Variants in NBEA observed in about 807,000 individuals in gnomAD.
NBEA encodes neurobeachin, also known as lysosomal-trafficking regulator 2.
A neutral mutation model predicts 343.4 loss-of-function variants in NBEA; 44 were observed. The ratio of observed to expected loss-of-function variants is 0.13; its 90% CI spans 0.10 to 0.16. NBEA has a LOEUF of 0.16. Among genes scored for constraint, NBEA ranks in the 10% least tolerant of loss-of-function variants. The pLI, the probability that NBEA is intolerant of heterozygous loss-of-function variation, is 1.00. For missense variants in NBEA, 2,555 were observed against 3,631.3 expected (o/e 0.70, Z 7.62); for synonymous variants, 1,175 against 1,238.7 (o/e 0.95, Z 1.08).
At chr13:35,558,829 T>G (rs1188879398) in intron 44 of NBEA, among the ~76,000 whole-genome samples, 1 of 152,176 alleles carries the variant, frequency 6.6e-6, no homozygotes, top group Non-Finnish European at 1.5e-5. Flanking sequence ...AAGTACAGGA[T>G]TAAGTGCCAT....
chr13:35,056,163 T>G (rs2063250151), intron 7 of NBEA, 34 bp downstream of exon 7: 1 of 1,538,798 alleles, frequency 6.5e-7, no homozygotes, highest in Admixed American at 1.9e-5. Flanking sequence ...TGTTTTAATT[T>G]GTTTGGGAGT....
intron 30 of NBEA, among the ~76,000 whole-genome samples, chr13:35,187,281 G>A (rs1486036278): frequency 6.6e-6 from 1 of 151,486 alleles, no homozygotes; most frequent in Non-Finnish European, 1.5e-5. Flanking sequence ...TAGCTCTCTG[G>A]TCTCTCTCTT....
intron 36 of NBEA, among the ~76,000 whole-genome samples, chr13:35,341,576 A>G (rs2039585340): frequency 6.6e-6 from 1 of 152,088 alleles, no homozygotes; most frequent in Admixed American, 6.6e-5. Context: ...TTTAAAAATG[A>G]ATAGAAGATA....
intron 48 of NBEA, among the ~76,000 whole-genome samples, chr13:35,608,002 C>G (rs1481363700): frequency 6.6e-6 from 1 of 152,132 alleles, no homozygotes; most frequent in East Asian, 1.9e-4. Context: ...TTCTCCTCCC[C>G]TCCTCTCGAT....
chr13:35,458,366 G>A (rs949349566), intron 40 of NBEA, among the ~76,000 whole-genome samples: 2 of 152,178 alleles, frequency 1.3e-5, no homozygotes, highest in African/African-American at 4.8e-5. Context: ...CTTAAAGACA[G>A]CATTCATATA....
At chr13:35,361,886 A>C (rs1190878152) in intron 38 of NBEA, among the ~76,000 whole-genome samples, 1 of 151,952 alleles carries the variant, frequency 6.6e-6, no homozygotes, top group East Asian at 1.9e-4. Context: ...AAGGGTTAAC[A>C]CCTGAGGGAG....
intron 41 of NBEA, among the ~76,000 whole-genome samples, chr13:35,523,316 T>A (rs985240512): frequency 5.3e-5 from 8 of 152,230 alleles, no homozygotes; most frequent in Admixed American, 1.3e-4. Flanking sequence ...GGTACAGAGT[T>A]AATTCTCATG....
rs753182802 is a variant in NBEA, at chr13:35,242,006, C to T, written c.5776+9387C>T. 9.2e-5 allele frequency among the ~76,000 whole-genome samples: 14 copies of T among 151,764 alleles called. No homozygotes were observed. The South Asian group carries it at 2.1e-3, about 22-fold the overall frequency. ...CCGAATTTTAACAAAAATAGTACAA[C>T]GCACTCAAAGAAAGAGAGAAACATA... On this transcript the variant is annotated intron_variant, in intron 34 of 58. Coordinates refer to ENST00000379939, the MANE Select transcript of NBEA (RefSeq NM_001385012.1).
intron 41 of NBEA, among the ~76,000 whole-genome samples, chr13:35,538,370 C>T (rs1372279343): frequency 1.3e-5 from 2 of 152,166 alleles, no homozygotes; most frequent in African/African-American, 2.4e-5. Context: ...CTCAGCCACC[C>T]ATGTGGACAG....
chr13:35,573,604 G>A (rs2080555296), intron 45 of NBEA, among the ~76,000 whole-genome samples: 1 of 152,118 alleles, frequency 6.6e-6, no homozygotes, highest in Non-Finnish European at 1.5e-5. Flanking sequence ...TATACTAAAT[G>A]TCTCTTTATC....
chr13:35,526,296 A>T (rs542166653), intron 41 of NBEA, among the ~76,000 whole-genome samples: 1 of 152,318 alleles, frequency 6.6e-6, no homozygotes, highest in East Asian at 1.9e-4. Flanking sequence ...CCCAACTTTA[A>T]CATTTCATAA....
intron 1 of NBEA, among the ~76,000 whole-genome samples, chr13:35,031,484 T>A (rs2062215939): frequency 6.6e-6 from 1 of 151,534 alleles, no homozygotes; most frequent in Admixed American, 6.6e-5. Flanking sequence ...GGTATTCGAT[T>A]GGTGACTACT....
intron 41 of NBEA, among the ~76,000 whole-genome samples, chr13:35,523,252 AGAAAT>A (rs1378665976): frequency 6.6e-6 from 1 of 152,208 alleles, no homozygotes; most frequent in African/African-American, 2.4e-5. Context: ...TTTATATATA[AGAAAT>A]GAAAGTCTTC....
At chr13:35,555,454 A>G (rs1281193254) in intron 44 of NBEA, among the ~76,000 whole-genome samples, 2 of 152,148 alleles carry the variant, frequency 1.3e-5, no homozygotes, top group African/African-American at 4.8e-5. Flanking sequence ...AGACAGGAGA[A>G]TAACAACAGG....
intron 38 of NBEA, among the ~76,000 whole-genome samples, chr13:35,398,346 C>A (rs930720283): frequency 2.6e-5 from 4 of 152,164 alleles, no homozygotes; most frequent in Admixed American, 6.6e-5. Flanking sequence ...TGACATCCTT[C>A]CATGAATCAC....
chr13:35,547,661 G>A (rs535522098), intron 41 of NBEA, among the ~76,000 whole-genome samples: 1 of 152,170 alleles, frequency 6.6e-6, no homozygotes, highest in Non-Finnish European at 1.5e-5. Flanking sequence ...GCCGAGTCAG[G>A]TGGATCATTT....
At position 35,110,794 on chromosome 13, in the gene NBEA, T is replaced by G. The variant is rs111791266; in HGVS notation, c.1834-16T>G. On this transcript the variant is annotated splice_polypyrimidine_tract_variant and intron_variant, in intron 12 of 58. Transcript: ENST00000379939. Reference sequence around the variant, plus strand: ...TTTTAAATTCATTTTAATGATCTGTTAATATTCTGTATTAGGTTCAGCTTT... The same window carrying G: ...TTTTAAATTCATTTTAATGATCTGTGAATATTCTGTATTAGGTTCAGCTTT... 2.8e-4 allele frequency: 448 copies of G among 1,595,986 alleles called. 4 individuals are homozygous for G. The African/African-American group carries it at 4.8e-3, about 17-fold the overall frequency.
At chr13:35,055,207 T>C (rs536234541) in intron 6 of NBEA, among the ~76,000 whole-genome samples, 115 of 152,272 alleles carry the variant, frequency 7.6e-4, no homozygotes, top group African/African-American at 2.5e-3. Context: ...AAATCATTTG[T>C]ATTTTTCTAT....
At chr13:35,311,604 A>G (rs982664482) in intron 36 of NBEA, among the ~76,000 whole-genome samples, 5 of 152,222 alleles carry the variant, frequency 3.3e-5, no homozygotes, top group Admixed American at 3.3e-4. Context: ...CTGTAATCCC[A>G]GCACTTTGGG....
Sources: gnomAD v4.1 joint callset for allele counts (sites outside exome capture counted in the v4.1 genomes callset) on GRCh38, gnomAD v4.1.1 for gene constraint, MANE v1.5 for transcripts, NCBI Gene and HGNC (gene_info 2026-07-23, HGNC 2026-07-21) for gene names.